The following SLC36A1 variants were observed in gnomAD, a reference collection of about 807,000 sequenced individuals.
The protein encoded by SLC36A1 is solute carrier family 36 member 1.
A neutral mutation model predicts 47.5 loss-of-function variants in SLC36A1; 30 were observed. The observed-to-expected ratio is 0.63, with a 90% CI of 0.47 to 0.86. The LOEUF (loss-of-function observed/expected upper bound fraction) is 0.86. Among genes scored for constraint, SLC36A1 ranks in the 40% least tolerant of loss-of-function variants. SLC36A1 has a pLI of 0.00. For synonymous variants in SLC36A1, 255 were observed against 249.7 expected, an observed-to-expected ratio of 1.02 and a Z score of -0.20; for missense variants, 517 against 606.0, an observed-to-expected ratio of 0.85 and a Z score of 1.54.
chr5:151,498,241 G>A, the SLC36A1 span, among the ~76,000 whole-genome samples: 3 of 152,264 alleles, frequency 2.0e-5, no homozygotes, highest in South Asian at 2.1e-4. Context: ...CACTGCGCAC[G>A]GCCAGGGGGG....
chr5:151,382,173 A>G, the SLC36A1 span: 78 of 1,030,524 alleles, frequency 7.6e-5, no homozygotes, highest in Non-Finnish European at 1.0e-4. Flanking sequence ...TTTGGTGTGC[A>G]TGGCACTGAA....
the SLC36A1 span, among the ~76,000 whole-genome samples, chr5:151,536,530 G>T: frequency 6.6e-6 from 1 of 152,036 alleles, no homozygotes; most frequent in African/African-American, 2.4e-5. Flanking sequence ...AGCAGGGCAG[G>T]AATCCCTCCT....
the SLC36A1 span, chr5:151,544,319 G>A: frequency 6.2e-7 from 1 of 1,614,216 alleles, no homozygotes; most frequent in South Asian, 1.1e-5. Context: ...GAAAAAGTGG[G>A]AGGGTTATCA....
chr5:151,524,853 C>G, the SLC36A1 span, among the ~76,000 whole-genome samples: 1 of 152,210 alleles, frequency 6.6e-6, no homozygotes, highest in South Asian at 2.1e-4. Context: ...CAGCTTGGCT[C>G]TCTGCTCAGA....
the SLC36A1 span, among the ~76,000 whole-genome samples, chr5:151,555,367 C>CTT: frequency 9.3e-3 from 1,143 of 123,058 alleles, 23 homozygotes; most frequent in African/African-American, 0.028. Context: ...TAATATATTT[C>CTT]TTTTTTTTTT....
chr5:151,545,180 C>T, the SLC36A1 span: 1 of 1,614,076 alleles, frequency 6.2e-7, no homozygotes, highest in East Asian at 2.2e-5. Context: ...GCCTTTCTGT[C>T]CTGCAAGTTC....
chr5:151,427,844 A>C, the SLC36A1 span, among the ~76,000 whole-genome samples: 1 of 152,190 alleles, frequency 6.6e-6, no homozygotes, highest in African/African-American at 2.4e-5. Flanking sequence ...GTTGAAGGAC[A>C]GTTACATTAT....
the SLC36A1 span, chr5:151,382,147 A>G: frequency 1.1e-6 from 1 of 934,528 alleles, no homozygotes; most frequent in Non-Finnish European, 1.8e-6. Context: ...CACAGTGCAG[A>G]CTCTGAATTG....
At chr5:151,399,458 C>T in the SLC36A1 span, among the ~76,000 whole-genome samples, 26 of 152,058 alleles carry the variant, frequency 1.7e-4, no homozygotes, top group South Asian at 5.4e-3. Context: ...TAAGAATAAC[C>T]CTGATTTATT....
At chr5:151,548,654 T>C in the SLC36A1 span, among the ~76,000 whole-genome samples, 1 of 152,190 alleles carries the variant, frequency 6.6e-6, no homozygotes, top group African/African-American at 2.4e-5. Context: ...CTAATTTTTG[T>C]ATTTTTAGTA....
chr5:151,380,868 G>T, the SLC36A1 span: 1 of 435,112 alleles, frequency 2.3e-6, no homozygotes, highest in East Asian at 5.4e-5. Flanking sequence ...ACAAAGGCAA[G>T]GGATGTGAAG....
intron 6 of SLC36A1, 22 bp downstream of exon 6, chr5:151,467,305 A>T: frequency 1.2e-5 from 10 of 822,252 alleles, no homozygotes; most frequent in African/African-American, 8.2e-5. Flanking sequence ...GTTAAAAAAG[A>T]AAAAAAAAAA....
chr5:151,450,328 A>G (rs1753453938), intron 1 of SLC36A1, among the ~76,000 whole-genome samples: 1 of 150,744 alleles, frequency 6.6e-6, no homozygotes, highest in Non-Finnish European at 1.5e-5. Flanking sequence ...GCCGGTGTCC[A>G]CTTACTAGCA....
the SLC36A1 span, chr5:151,544,979 G>A: frequency 4.2e-5 from 68 of 1,614,034 alleles, no homozygotes; most frequent in Non-Finnish European, 5.5e-5. Flanking sequence ...TGAGCCACCC[G>A]CTGAGGTGTC....
At chr5:151,531,500 A>G in the SLC36A1 span, 1 of 1,546,020 alleles carries the variant, frequency 6.5e-7, no homozygotes, top group Non-Finnish European at 8.8e-7. The surrounding 1 kb of genome is among the most constrained non-coding windows in gnomAD (Gnocchi z 5.7). Flanking sequence ...GGCGCTGCAC[A>G]GGGTAGATAC....
chr5:151,349,458 G>A, the SLC36A1 span, among the ~76,000 whole-genome samples: 2,481 of 152,190 alleles, frequency 0.016, 55 homozygotes, highest in African/African-American at 0.056. Context: ...CCTGGGTTCC[G>A]CTATGGCTCT....
the SLC36A1 span, chr5:151,551,599 A>G: frequency 6.2e-7 from 1 of 1,614,024 alleles, no homozygotes; most frequent in Non-Finnish European, 8.5e-7. Flanking sequence ...CCATGTCCTT[A>G]TCCCCACCTA....
chr5:151,377,329 T>C, the SLC36A1 span, among the ~76,000 whole-genome samples: 2 of 151,736 alleles, frequency 1.3e-5, no homozygotes, highest in Non-Finnish European at 2.9e-5. Flanking sequence ...CCCACTATTA[T>C]TGTATTGCTG....
At chr5:151,404,757 T>C in the SLC36A1 span, among the ~76,000 whole-genome samples, 7 of 152,204 alleles carry the variant, frequency 4.6e-5, no homozygotes, top group African/African-American at 1.7e-4. Flanking sequence ...GCTTGTAAGG[T>C]TTCTGCTGAG....
Sources: allele counts gnomAD v4.1 joint callset (sites outside exome capture counted in the v4.1 genomes callset), GRCh38; gene constraint gnomAD v4.1.1; non-coding constraint Gnocchi (gnomAD v3.1); transcripts MANE v1.5; gene names NCBI Gene and HGNC (gene_info 2026-07-23, HGNC 2026-07-21).